LMO4: variants seen among roughly 807,000 people sequenced by gnomAD.
The protein encoded by LMO4 is LIM domain transcription factor LMO4.
Under a neutral mutation model 18.5 loss-of-function variants are expected in LMO4, and 3 were observed. The observed-to-expected ratio is 0.16, with a 90% CI of 0.07 to 0.42. The LOEUF (loss-of-function observed/expected upper bound fraction) is 0.42, where lower values mean the gene tolerates loss of function less well. LMO4 is among the 10% of genes least tolerant of loss of function. The probability of loss-of-function intolerance (pLI) is 0.99; values close to 1 mark genes in which losing one functional copy is unlikely to be tolerated. For synonymous variants in LMO4, 100 were observed against 88.1 expected, an observed-to-expected ratio of 1.14 and a Z score of -0.76; for missense variants, 121 against 219.9, an observed-to-expected ratio of 0.55 and a Z score of 2.84.
At chr1:87,338,440 C>A (rs192099006) in intron 2 of LMO4, among the ~76,000 whole-genome samples, 1 of 152,088 alleles carries the variant, frequency 6.6e-6, no homozygotes, top group Non-Finnish European at 1.5e-5. Context: ...TTACTTGTTC[C>A]GACACCACCT....
At chr1:87,341,383 A>G (rs975576557) in intron 4 of LMO4, among the ~76,000 whole-genome samples, 2 of 152,162 alleles carry the variant, frequency 1.3e-5, no homozygotes, top group Non-Finnish European at 2.9e-5. Context: ...AAAAGTGCAC[A>G]CTTCACTTGG....
At position 87,347,327 on chromosome 1, in the gene LMO4, G is replaced by A. The variant is rs1198007908; in HGVS notation, c.*2531G>A. On this transcript the variant is annotated 3_prime_UTR_variant, in exon 5 of 5. Transcript: ENST00000370544. ...GTAAAACACTTTCTTGAAACCAGAGGCATTTCAAACAATAAAACCCGGCTC... is the reference window on the plus strand; with the variant it reads ...GTAAAACACTTTCTTGAAACCAGAGACATTTCAAACAATAAAACCCGGCTC... 6.6e-6 allele frequency: 1 copy of A among 152,062 alleles called. No individual in the cohort carries two copies. The allele number at this position is 152,062 out of a possible 1,614,324, so 9.4% of individuals were successfully genotyped here.
intron 2 of LMO4, among the ~76,000 whole-genome samples, chr1:87,335,615 G>A (rs886768375): frequency 1.1e-4 from 16 of 152,134 alleles, no homozygotes; most frequent in African/African-American, 3.6e-4. Context: ...GTAGTTGGTG[G>A]TGGAGGGTGT....
Position 87,328,980 on chromosome 1 carries a change from G to A in LMO4, c.-268G>A, listed in dbSNP as rs1650048977. On this transcript the variant is annotated 5_prime_UTR_variant, in exon 1 of 5. Coordinates refer to ENST00000370544, the MANE Select transcript of LMO4 (RefSeq NM_006769.4). ...CTGCTCGCGCGCAGTCGGAGGCGGAGAAGGACGAAGACTGAGACTGACACT... is the reference window on the plus strand; with the variant it reads ...CTGCTCGCGCGCAGTCGGAGGCGGAAAAGGACGAAGACTGAGACTGACACT... The A allele has an allele frequency of 6.6e-6, 1 of 151,504 alleles. No individual in the cohort carries two copies. Among genetic ancestry groups the A allele is most frequent in the East Asian group, 1.9e-4 (1 of 5,132 alleles). The allele number at this position is 151,504 out of a possible 1,614,324, so 9.4% of individuals were successfully genotyped here. A position where few individuals can be genotyped will look rare whatever the true frequency, so the allele number is the denominator to read the frequency against.
chr1:87,329,974 G>A (rs1047441806), intron 1 of LMO4, among the ~76,000 whole-genome samples: 2 of 150,956 alleles, frequency 1.3e-5, no homozygotes, highest in Non-Finnish European at 2.9e-5. Context: ...GTAATTACTA[G>A]AGTATAAGCC....
intron 4 of LMO4, among the ~76,000 whole-genome samples, chr1:87,341,671 A>C (rs1650501695): frequency 6.6e-6 from 1 of 152,184 alleles, no homozygotes; most frequent in Admixed American, 6.5e-5. Flanking sequence ...GTAATTTTAA[A>C]TGTATGTTCT....
At position 87,340,193 on chromosome 1, in the gene LMO4, A is replaced by G. The variant is rs995862388; in HGVS notation, c.480A>G (p.Pro160=). The stretch of plus-strand genomic sequence containing the variant: ...CACTTCAGAGCAATCCACTACTGCC[A>G]GACCAGAAGGTGAATACCCAGCAAT... ...LNSLQSNPLL[P]DQKVC is the part of the protein sequence containing the mutation. Residue 160 remains proline, a synonymous_variant, in exon 4 of 5, where the codon CCA becomes CCG. Transcript: ENST00000370544. 7 of 1,614,114 alleles carry G rather than the reference A, an allele frequency of 4.3e-6. No homozygotes were observed. The highest frequency in any genetic ancestry group is 1.6e-4 in the Middle Eastern group (1 of 6,062).
chr1:87,329,361 A>G (rs1163087619), intron 1 of LMO4, 117 bp downstream of exon 1: 2 of 152,262 alleles, frequency 1.3e-5, no homozygotes, highest in Admixed American at 1.3e-4. Context: ...AATTGCAAGT[A>G]AACAATACGT....
chr1:87,344,499 CT>C (rs1650575615), intron 4 of LMO4, among the ~76,000 whole-genome samples: 1 of 152,216 alleles, frequency 6.6e-6, no homozygotes. Flanking sequence ...TGGAAAGACA[CT>C]TGCTCTTAAC....
chr1:87,337,300 C>G (rs1650344163), intron 2 of LMO4, among the ~76,000 whole-genome samples: 1 of 152,154 alleles, frequency 6.6e-6, no homozygotes, highest in Non-Finnish European at 1.5e-5. Context: ...CTATGAAAGG[C>G]TTTTGGATTA....
Position 87,332,065 on chromosome 1 carries a change from C to T in LMO4, c.50C>T (p.Ser17Phe), listed in dbSNP as rs78129995. 8 of 1,613,564 alleles carry T rather than the reference C, an allele frequency of 5.0e-6. No individual in the cohort carries two copies. The highest frequency in any genetic ancestry group is 1.3e-5 in the African/African-American group (1 of 74,938). Residue 17 changes from serine to phenylalanine, a missense_variant, in exon 2 of 5, where the codon TCC becomes TTC. By Grantham distance (155) the Ser-to-Phe change is radical. This residue lies in a region of LMO4 where 51 missense variants were observed against 56.8 expected (regional missense o/e 0.90). Transcript: ENST00000370544. ...SSQPPPVTAG[S>F]LSWKRCAGCG... is the part of the protein sequence containing the mutation. ...CAGCCGCCCCCGGTGACGGCCGGCT[C>T]CCTCTCCTGGAAGCGGTGCGCAGGC...
intron 2 of LMO4, among the ~76,000 whole-genome samples, chr1:87,332,783 C>G (rs1283020330): frequency 1.3e-5 from 2 of 152,148 alleles, no homozygotes; most frequent in African/African-American, 2.4e-5. Flanking sequence ...GAGAAAAATG[C>G]TAATTATCCA....
rs1350536120 is a variant in LMO4, at chr1:87,345,786, A to G, written c.*990A>G. The G allele has an allele frequency of 6.6e-6, 1 of 152,228 alleles. No homozygotes were observed. The highest frequency in any genetic ancestry group is 2.4e-5 in the African/African-American group (1 of 41,460). 9.4% of individuals were successfully genotyped at this position (152,228 alleles called of 1,614,324 possible). On this transcript the variant is annotated 3_prime_UTR_variant, in exon 5 of 5. Coordinates refer to ENST00000370544, the MANE Select transcript of LMO4 (RefSeq NM_006769.4). ...TTGGCAGGGGTACAAAGTAGTTTCT[A>G]ACAGGGTCCTTTCTATAAGTCAAGA... is the stretch of plus-strand genomic sequence containing the variant.
chr1:87,348,619 C>T lies in LMO4; in HGVS notation c.*3823C>T, dbSNP rs1272002098. On this transcript the variant is annotated 3_prime_UTR_variant, in exon 5 of 5. Coordinates refer to ENST00000370544, the MANE Select transcript of LMO4 (RefSeq NM_006769.4). ...CCTAGTTAAAGAGGCATTTGTAGCC[C>T]TCTGCTCCCATCGTGAACATGCTGA... 6.6e-6 allele frequency: 3 copies of T among 455,644 alleles called. No individual in the cohort carries two copies. Among genetic ancestry groups the T allele is most frequent in the East Asian group, 6.8e-5 (1 of 14,648 alleles). The allele number at this position is 455,644 out of a possible 1,614,324, so 28.2% of individuals were successfully genotyped here.
rs1439177791 is a variant in LMO4, at chr1:87,345,941, A to C, written c.*1145A>C. On this transcript the variant is annotated 3_prime_UTR_variant, in exon 5 of 5. Coordinates refer to ENST00000370544, the MANE Select transcript of LMO4 (RefSeq NM_006769.4). ...CAAACAAAGCCTTGGGTATTGATGA[A>C]AAGTATGTATAAAAAAAAATACGGC... The C allele has an allele frequency of 6.6e-6, 1 of 152,180 alleles. No individual in the cohort carries two copies. The highest frequency in any genetic ancestry group is 1.5e-5 in the Non-Finnish European group (1 of 68,036). 9.4% of individuals were successfully genotyped at this position (152,180 alleles called of 1,614,324 possible).
At chr1:87,335,871 G>GA (rs781402794) in intron 2 of LMO4, among the ~76,000 whole-genome samples, 10,449 of 129,500 alleles carry the variant, frequency 0.081, 382 homozygotes, top group East Asian at 0.14. Context: ...CTATTAGCTA[G>GA]AAAAAAAAAA....
chr1:87,337,902 G>A (rs1198301998), intron 2 of LMO4, among the ~76,000 whole-genome samples: 6 of 152,220 alleles, frequency 3.9e-5, no homozygotes, highest in Non-Finnish European at 7.3e-5. Context: ...TAGAGGTCCT[G>A]ACAGTGTATT....
In LMO4 at chr1:87,345,133, C is replaced by CT. The variant is rs1650591913; in HGVS notation, c.*338dup. The CT allele has an allele frequency of 3.5e-6, 1 of 285,008 alleles. No homozygotes were observed. The highest frequency in any genetic ancestry group is 6.5e-6 in the Non-Finnish European group (1 of 153,654). 17.7% of individuals were successfully genotyped at this position (285,008 alleles called of 1,614,324 possible). A position where few individuals can be genotyped will look rare whatever the true frequency, so the allele number is the denominator to read the frequency against. On this transcript the variant is annotated 3_prime_UTR_variant, in exon 5 of 5. Coordinates refer to ENST00000370544, the MANE Select transcript of LMO4 (RefSeq NM_006769.4). ...TAAAAGAAGCATTCAAATCTGCTTT[C>CT]TACCCTCATTAACAATTAGCAGGGC...
Position 87,348,539 on chromosome 1 carries a change from CAG to C in LMO4, c.*3746_*3747del. 1 of 370,982 alleles carries C rather than the reference CAG, an allele frequency of 2.7e-6. No individual in the cohort carries two copies. Among genetic ancestry groups the C allele is most frequent in the East Asian group, 7.3e-5 (1 of 13,624 alleles). 23.0% of individuals were successfully genotyped at this position (370,982 alleles called of 1,614,324 possible). ...TTAAACAGCCAGCTACTCCCACTTG[CAG>C]AGTCTGAGATCTGACTAGCAGCAAA... On this transcript the variant is annotated 3_prime_UTR_variant, in exon 5 of 5. Transcript: ENST00000370544.
Sources: gnomAD v4.1 joint callset for allele counts (sites outside exome capture counted in the v4.1 genomes callset) on GRCh38, gnomAD v4.1.1 for gene constraint, gnomAD v4.1.1 regional missense constraint, MANE v1.5 for transcripts, NCBI Gene and HGNC (gene_info 2026-07-23, HGNC 2026-07-21) for gene names.